The following ATAD5 variants were observed in gnomAD, a reference collection of about 807,000 sequenced individuals.
The protein encoded by ATAD5 is ATPase family AAA domain containing 5, also known as ATPase family AAA domain-containing protein 5.
In ATAD5, 58 loss-of-function variants were observed where a neutral mutation model predicts 176.9. The ratio of observed to expected loss-of-function variants is 0.33; its 90% CI spans 0.27 to 0.41. The LOEUF is 0.41. ATAD5 is among the 10% of genes least tolerant of loss of function. ATAD5 has a pLI of 1.00. For synonymous variants in ATAD5, 640 were observed against 712.6 expected (o/e 0.90, Z 1.62); for missense variants, 1,789 against 2,094.1 (o/e 0.85, Z 2.84).
intron 11 of ATAD5, among the ~76,000 whole-genome samples, chr17:30,866,625 G>A (rs901474124): frequency 1.3e-5 from 2 of 150,854 alleles, no homozygotes; most frequent in African/African-American, 4.9e-5. Flanking sequence ...GACCAGCCTG[G>A]CCAACATGGT....
intron 10 of ATAD5, among the ~76,000 whole-genome samples, chr17:30,862,204 C>A (rs1209979776): frequency 6.6e-6 from 1 of 150,922 alleles, no homozygotes; most frequent in African/African-American, 2.4e-5. Flanking sequence ...TGTGGTGGTG[C>A]GTGCCTGTAA....
intron 19 of ATAD5, among the ~76,000 whole-genome samples, chr17:30,891,591 T>C (rs1248899065): frequency 3.9e-5 from 6 of 152,122 alleles, no homozygotes; most frequent in African/African-American, 1.2e-4. Context: ...CAGGCTGGTC[T>C]CGAACTCCTG....
At chr17:30,892,894 A>ACAAATTATAGGCAC in intron 20 of ATAD5, 106 bp downstream of exon 20, 2 of 1,001,044 alleles carry the variant, frequency 2.0e-6, no homozygotes, top group Non-Finnish European at 2.9e-6. Context: ...ATGTGCCTAT[A>ACAAATTATAGGCAC]ATTTGTATAA....
chr17:30,842,301 T>A (rs1047760657), intron 4 of ATAD5, among the ~76,000 whole-genome samples: 18 of 151,810 alleles, frequency 1.2e-4, no homozygotes, highest in African/African-American at 2.2e-4. Context: ...AAATAAATAA[T>A]AAATAAAATA....
At chr17:30,887,167 C>T in intron 18 of ATAD5, 25 bp from the exon 19 acceptor site, 1 of 1,546,252 alleles carries the variant, frequency 6.5e-7, no homozygotes, top group Non-Finnish European at 8.7e-7. Flanking sequence ...CAGCAGTTAA[C>T]CACATTTCTC....
chr17:30,851,957 AC>A (rs1345185355), intron 6 of ATAD5, among the ~76,000 whole-genome samples: 1 of 152,236 alleles, frequency 6.6e-6, no homozygotes, highest in Admixed American at 6.5e-5. Flanking sequence ...GGCTGGGGTT[AC>A]AAATGTGAGC....
chr17:30,859,429 A>G (rs1205808053), intron 9 of ATAD5, among the ~76,000 whole-genome samples: 1 of 151,974 alleles, frequency 6.6e-6, no homozygotes, highest in Admixed American at 6.6e-5. Flanking sequence ...GCGCGATCTC[A>G]GCTCAGTGCA....
Position 30,857,084 on chromosome 17 carries a change from A to C in ATAD5, c.2765A>C (p.Lys922Thr), listed in dbSNP as rs1907331651. The change falls in exon 8 of 23, where the codon AAG (lysine) becomes ACG (threonine). Residue 922 changes from lysine (K) to threonine (T), a missense_variant. Physicochemically the swap from Lys to Thr is moderately conservative, Grantham distance 78. Transcript: ENST00000321990. ...GGTGAATTTTCAACATTGAATTCAAAGTTGAAAAGCGGTAACTCTGCTGCT... is the reference window on the plus strand; with the variant it reads ...GGTGAATTTTCAACATTGAATTCAACGTTGAAAAGCGGTAACTCTGCTGCT... ...ALGEFSTLNS[K>T]LKSGNSAAVF... 6.2e-7 allele frequency: 1 copy of C among 1,611,770 alleles called. No individual in the cohort carries two copies.
intron 17 of ATAD5, among the ~76,000 whole-genome samples, chr17:30,878,718 G>GGTTTTTTTTTTTT (rs1908812554): frequency 3.3e-4 from 19 of 56,838 alleles, no homozygotes; most frequent in African/African-American, 1.1e-3. Flanking sequence ...GTTAGGTGGT[G>GGTTTTTTTTTTTT]TTTTTTTTTT....
At chr17:30,869,193 G>A in intron 12 of ATAD5, 55 bp from the exon 13 acceptor site, 1 of 1,547,834 alleles carries the variant, frequency 6.5e-7, no homozygotes, top group South Asian at 1.2e-5. Context: ...GTTTCATAAG[G>A]TAGAATTGCT....
At chr17:30,850,869 ATTTTTTTTTTTTTTTTT>A (rs58433358) in intron 6 of ATAD5, among the ~76,000 whole-genome samples, 2 of 14,774 alleles carry the variant, frequency 1.4e-4, no homozygotes, top group African/African-American at 4.6e-4. Flanking sequence ...ATATATATAT[ATTTTTTTTTTTTTTTTT>A]TTTTTTTTTT....
At chr17:30,837,927 A>G (rs1905853749) in intron 3 of ATAD5, among the ~76,000 whole-genome samples, 1 of 152,148 alleles carries the variant, frequency 6.6e-6, no homozygotes, top group African/African-American at 2.4e-5. Context: ...ATTTATTTCT[A>G]TAGATTATAG....
At chr17:30,853,964 A>T (rs1907132676) in intron 6 of ATAD5, among the ~76,000 whole-genome samples, 1 of 151,844 alleles carries the variant, frequency 6.6e-6, no homozygotes, top group Non-Finnish European at 1.5e-5. Context: ...AGAGGGAAAA[A>T]ACTCACCTAC....
At chr17:30,857,597 T>C (rs183107549) in intron 8 of ATAD5, among the ~76,000 whole-genome samples, 54 of 152,322 alleles carry the variant, frequency 3.5e-4, no homozygotes, top group African/African-American at 1.3e-3. Flanking sequence ...TAAGAATTAA[T>C]GATTGCCAGT....
chr17:30,884,782 G>A (rs1163820063), intron 18 of ATAD5, among the ~76,000 whole-genome samples: 2 of 120,532 alleles, frequency 1.7e-5, no homozygotes, highest in Non-Finnish European at 1.7e-5. Flanking sequence ...GAGTCTTGCT[G>A]TGTCGCCCAG....
In ATAD5 at chr17:30,835,506, T is replaced by A; in HGVS notation, c.1425T>A (p.Asn475Lys). The A allele has an allele frequency of 6.2e-7, 1 of 1,606,170 alleles. No homozygotes were observed. The highest frequency in any genetic ancestry group is 8.5e-7 in the Non-Finnish European group (1 of 1,178,272). Residue 475 changes from asparagine to lysine, a missense_variant, in exon 2 of 23, where the codon AAT (asparagine) becomes AAA (lysine). Asn to Lys is a moderately conservative substitution (Grantham distance 94, BLOSUM62 0). Transcript: ENST00000321990. Reference sequence around the variant, plus strand: ...AAGGAAGTTTTCTGAAGGAGAAAAATAAAAAGCTAAAGAAGAAGAATAAGA... The same window carrying A: ...AAGGAAGTTTTCTGAAGGAGAAAAAAAAAAAGCTAAAGAAGAAGAATAAGA... ...TDKGSFLKEKNKKLKKKNKKT... is the reference protein window; with the variant it reads ...TDKGSFLKEKKKKLKKKNKKT...
intron 18 of ATAD5, among the ~76,000 whole-genome samples, chr17:30,881,007 C>T (rs1371662659): frequency 1.3e-5 from 2 of 150,042 alleles, no homozygotes; most frequent in Non-Finnish European, 3.0e-5. Context: ...TTTTTTCTTA[C>T]GATGATGAAC....
chr17:30,835,467 G>C lies in ATAD5; in HGVS notation c.1386G>C (p.Gln462His), dbSNP rs973671372. 1 of 1,609,558 alleles carries C rather than the reference G, an allele frequency of 6.2e-7. No individual in the cohort carries two copies. The highest frequency in any genetic ancestry group is 1.1e-5 in the South Asian group (1 of 89,082). Residue 462 changes from glutamine (Q) to histidine (H), a missense_variant, in exon 2 of 23, where the codon CAG (glutamine) becomes CAC (histidine). Coordinates refer to ENST00000321990, the MANE Select transcript of ATAD5 (RefSeq NM_024857.5). The stretch of plus-strand genomic sequence containing the variant: ...TGGTTTCAAAAAATGGCAATTTACA[G>C]TTACACACTGATAAAGGAAGTTTTC... The part of the protein sequence containing the change: ...IQMVSKNGNL[Q>H]LHTDKGSFLK...
chr17:30,875,392 G>T (rs991070190), intron 14 of ATAD5, among the ~76,000 whole-genome samples: 2 of 152,106 alleles, frequency 1.3e-5, no homozygotes, highest in Non-Finnish European at 2.9e-5. Flanking sequence ...GAACAACAAA[G>T]TTCTGTAATG....
Sources: gnomAD v4.1 joint callset for allele counts (sites outside exome capture counted in the v4.1 genomes callset) on GRCh38, gnomAD v4.1.1 for gene constraint, MANE v1.5 for transcripts, NCBI Gene and HGNC (gene_info 2026-07-23, HGNC 2026-07-21) for gene names.